The following CAMTA1 variants were observed in gnomAD, a reference collection of about 807,000 sequenced individuals.
CAMTA1 encodes calmodulin binding transcription activator 1.
A neutral mutation model predicts 170.9 loss-of-function variants in CAMTA1; 27 were observed. The observed-to-expected ratio is 0.16, with a 90% CI of 0.12 to 0.22. The LOEUF is 0.22. Among genes scored for constraint, CAMTA1 ranks in the 10% least tolerant of loss-of-function variants. CAMTA1 has a pLI of 1.00. For synonymous variants in CAMTA1, 833 were observed against 891.5 expected, an observed-to-expected ratio of 0.93 and a Z score of 1.17; for missense variants, 1,619 against 2,217.2, an observed-to-expected ratio of 0.73 and a Z score of 5.42.
chr1:7,098,152 T>TGCATGTGC (rs1376310000), intron 4 of CAMTA1, among the ~76,000 whole-genome samples: 2 of 152,174 alleles, frequency 1.3e-5, no homozygotes, highest in Non-Finnish European at 2.9e-5. Context: ...TGCGTGTGTG[T>TGCATGTGC]GCATGTGCAG....
At chr1:6,897,892 C>T (rs939997699) in intron 3 of CAMTA1, among the ~76,000 whole-genome samples, 9 of 152,260 alleles carry the variant, frequency 5.9e-5, no homozygotes, top group South Asian at 2.1e-4. Context: ...TGCCCACAAA[C>T]GTCTTGGTTT....
intron 3 of CAMTA1, among the ~76,000 whole-genome samples, chr1:7,025,866 C>T (rs1402112116): frequency 6.6e-6 from 1 of 152,178 alleles, no homozygotes; most frequent in African/African-American, 2.4e-5. Flanking sequence ...CCTGTAATCT[C>T]AACACTTCGG....
At chr1:7,549,154 C>T (rs1311231115) in intron 6 of CAMTA1, among the ~76,000 whole-genome samples, 5 of 123,526 alleles carry the variant, frequency 4.0e-5, no homozygotes, top group Non-Finnish European at 6.9e-5. Flanking sequence ...CCCTTAGGGG[C>T]GGAGGTGCTG....
intron 11 of CAMTA1, among the ~76,000 whole-genome samples, chr1:7,709,263 A>G (rs1278853708): frequency 6.6e-6 from 1 of 152,210 alleles, no homozygotes; most frequent in Non-Finnish European, 1.5e-5. Context: ...GCATAATGCC[A>G]TCTGGGACTT....
intron 4 of CAMTA1, among the ~76,000 whole-genome samples, chr1:7,178,766 C>G (rs1651478424): frequency 2.0e-5 from 3 of 152,196 alleles, no homozygotes; most frequent in Admixed American, 6.5e-5. Flanking sequence ...GAGAATGAAG[C>G]CCTCCTCAGC....
Position 7,738,842 on chromosome 1 carries a change from A to G in CAMTA1, c.4182+360A>G, listed in dbSNP as rs2071988. Among the ~76,000 whole-genome samples the G allele has an allele frequency of 0.51, 76,789 of 151,940 alleles. 19,556 individuals carry two copies. The highest frequency in any genetic ancestry group is 0.6 in the Admixed American group (9,180 of 15,270). On this transcript the variant is annotated intron_variant, in intron 16 of 22. Transcript: ENST00000303635. This position sits in a 1 kb window ranked among gnomAD's most constrained non-coding sequence, Gnocchi z 4.9. ...AGTTACTAGTTAGAATATAGTCAAG[A>G]CCTAAAAATAGCTAGAACAGGAAGC...
chr1:7,576,072 A>G (rs949284358), intron 6 of CAMTA1, among the ~76,000 whole-genome samples: 3 of 152,008 alleles, frequency 2.0e-5, no homozygotes, highest in Non-Finnish European at 2.9e-5. Flanking sequence ...GCAATGGTGC[A>G]ATCTCGGCTC....
intron 11 of CAMTA1, among the ~76,000 whole-genome samples, chr1:7,683,919 G>C (rs1382989918): frequency 6.6e-6 from 1 of 152,204 alleles, no homozygotes; most frequent in Non-Finnish European, 1.5e-5. Flanking sequence ...AGCCATTGGG[G>C]CTCCTAAGGA....
intron 5 of CAMTA1, among the ~76,000 whole-genome samples, chr1:7,335,327 G>A (rs1335627272): frequency 2.0e-5 from 3 of 152,140 alleles, no homozygotes; most frequent in Non-Finnish European, 2.9e-5. Flanking sequence ...TCTTTCCTGA[G>A]AACTGAAATT....
At chr1:7,428,462 C>G (rs2091982229) in intron 5 of CAMTA1, among the ~76,000 whole-genome samples, 1 of 152,076 alleles carries the variant, frequency 6.6e-6, no homozygotes, top group Non-Finnish European at 1.5e-5. Context: ...TTGTGTGGCT[C>G]TCATGACCCT....
chr1:6,986,199 C>T (rs1695333121), intron 3 of CAMTA1, among the ~76,000 whole-genome samples: 1 of 152,216 alleles, frequency 6.6e-6, no homozygotes, highest in East Asian at 1.9e-4. Flanking sequence ...CCATGTCTCT[C>T]ACCAGGAGAA....
chr1:7,273,795 A>G (rs759297369), intron 5 of CAMTA1, among the ~76,000 whole-genome samples: 2 of 152,222 alleles, frequency 1.3e-5, no homozygotes, highest in Non-Finnish European at 2.9e-5. Flanking sequence ...ATAAGTAATA[A>G]CATTATATAG....
chr1:7,706,411 C>T lies in CAMTA1; in HGVS notation c.2915-26037C>T, dbSNP rs2096525726. On this transcript the variant is annotated intron_variant, in intron 11 of 22. Transcript: ENST00000303635. Reference sequence around the variant, plus strand: ...TATTACATACAAGGAGTCTTTTTCTCTTACTACCTTGAGGAACTGAAGTGT... The same window carrying T: ...TATTACATACAAGGAGTCTTTTTCTTTTACTACCTTGAGGAACTGAAGTGT... Among the ~76,000 whole-genome samples, 2 of 152,202 alleles carry T rather than the reference C, an allele frequency of 1.3e-5. 1 individual carries two copies. The highest frequency in any genetic ancestry group is 4.1e-4 in the South Asian group (2 of 4,836).
chr1:6,920,440 G>T (rs1053721880), intron 3 of CAMTA1, among the ~76,000 whole-genome samples: 1 of 152,188 alleles, frequency 6.6e-6, no homozygotes, highest in African/African-American at 2.4e-5. Context: ...TTGAGTGTCT[G>T]TGGCTTTTCC....
chr1:7,453,559 A>G (rs775348568), intron 5 of CAMTA1, among the ~76,000 whole-genome samples: 17 of 152,226 alleles, frequency 1.1e-4, no homozygotes, highest in Admixed American at 6.5e-5. Flanking sequence ...CTCTGAGCCA[A>G]ACAGGCCTTC....
chr1:7,171,596 T>G (rs2148826247), intron 4 of CAMTA1, among the ~76,000 whole-genome samples: 1 of 152,314 alleles, frequency 6.6e-6, no homozygotes, highest in South Asian at 2.1e-4. Context: ...ATCCCTTAAA[T>G]TTTAAAAAAC....
chr1:7,091,677 A>C (rs1214887966), intron 4 of CAMTA1, among the ~76,000 whole-genome samples: 1 of 152,176 alleles, frequency 6.6e-6, no homozygotes, highest in Admixed American at 6.5e-5. Flanking sequence ...ATTTTGGGAA[A>C]TTGCTCGCCT....
intron 6 of CAMTA1, among the ~76,000 whole-genome samples, chr1:7,527,350 C>T (rs1051360188): frequency 2.0e-5 from 3 of 152,188 alleles, no homozygotes; most frequent in Admixed American, 6.5e-5. Flanking sequence ...ATCTCCCAGA[C>T]GATCCACCCC....
chr1:6,881,638 C>T (rs934163012), intron 3 of CAMTA1, among the ~76,000 whole-genome samples: 1 of 152,082 alleles, frequency 6.6e-6, no homozygotes, highest in Non-Finnish European at 1.5e-5. Flanking sequence ...GGAAAGCCAC[C>T]TGAGGATTTT....
Sources: gnomAD v4.1 joint callset for allele counts (sites outside exome capture counted in the v4.1 genomes callset) on GRCh38, gnomAD v4.1.1 for gene constraint, Gnocchi (gnomAD v3.1) non-coding constraint, MANE v1.5 for transcripts, NCBI Gene and HGNC (gene_info 2026-07-23, HGNC 2026-07-21) for gene names.